The following SPRING1 variants were observed in gnomAD, a reference collection of about 807,000 sequenced individuals.
The protein encoded by SPRING1 is SREBP regulating gene protein.
SPRING1 carries 14 observed loss-of-function variants against 24.7 expected under a neutral mutation model. The observed-to-expected ratio is 0.57, with a 90% CI of 0.37 to 0.88. The LOEUF (loss-of-function observed/expected upper bound fraction) is 0.88. Ranked by LOEUF, SPRING1 falls within the 40% of genes least tolerant of loss-of-function variation. The pLI is 0.00. For missense variants in SPRING1, 255 were observed against 268.4 expected (o/e 0.95, Z 0.35); for synonymous variants, 93 against 106.1 (o/e 0.88, Z 0.76).
At chr12:116,732,388 C>T (rs756110241) in intron 1 of SPRING1, among the ~76,000 whole-genome samples, 1 of 152,074 alleles carries the variant, frequency 6.6e-6, no homozygotes, top group Non-Finnish European at 1.5e-5. Context: ...CCAGCCTGAG[C>T]AACCTAGTAA....
chr12:116,725,051 T>C (rs1338439743), intron 1 of SPRING1, among the ~76,000 whole-genome samples: 1 of 152,228 alleles, frequency 6.6e-6, no homozygotes, highest in Non-Finnish European at 1.5e-5. Context: ...TATGATAATA[T>C]GCACATATAA....
At chr12:116,735,287 T>C (rs1398154185) in intron 1 of SPRING1, among the ~76,000 whole-genome samples, 1 of 152,128 alleles carries the variant, frequency 6.6e-6, no homozygotes, top group Non-Finnish European at 1.5e-5. Context: ...AGGAGGGTGG[T>C]TGCCGGGGGC....
At position 116,725,660 on chromosome 12, in the gene SPRING1, C is replaced by T. The variant is rs529311939; in HGVS notation, c.112-2437G>A. Among the ~76,000 whole-genome samples, 190 of 152,180 alleles carry T rather than the reference C, an allele frequency of 1.2e-3. 1 individual carries two copies. Among genetic ancestry groups the T allele is most frequent in the African/African-American group, 4.4e-3 (182 of 41,528 alleles). On this transcript the variant is annotated intron_variant, in intron 1 of 4. Coordinates refer to ENST00000261318, the MANE Select transcript of SPRING1 (RefSeq NM_024738.4). ...CAACACTTTGGGAGGCCAAGGCGGG[C>T]GGATCACGAGTTCAGAAGATCGAGA...
At position 116,716,700 on chromosome 12, in the gene SPRING1, G is replaced by T. The variant is rs1870152332; in HGVS notation, c.*1110C>A. ...TTCTCATCTCCCACTGAGGGCAGGT[G>T]TAAGACTCTTCTCTTGCAGTGCTCT... On this transcript the variant is annotated 3_prime_UTR_variant, in exon 5 of 5. Transcript: ENST00000261318. The T allele has an allele frequency of 1.3e-5, 2 of 152,228 alleles. No individual in the cohort carries two copies. Among genetic ancestry groups the T allele is most frequent in the African/African-American group, 2.4e-5 (1 of 41,416 alleles). The allele number at this position is 152,228 out of a possible 1,614,324, so 9.4% of individuals were successfully genotyped here. A position where few individuals can be genotyped will look rare whatever the true frequency, so the allele number is the denominator to read the frequency against.
intron 1 of SPRING1, among the ~76,000 whole-genome samples, chr12:116,732,795 T>C (rs911407033): frequency 6.6e-6 from 1 of 152,226 alleles, no homozygotes; most frequent in African/African-American, 2.4e-5. Flanking sequence ...TCTATCATGA[T>C]GGTTACAAAT....
At chr12:116,737,125 C>T (rs989425062) in intron 1 of SPRING1, among the ~76,000 whole-genome samples, 1 of 152,218 alleles carries the variant, frequency 6.6e-6, no homozygotes, top group African/African-American at 2.4e-5. Flanking sequence ...CTGAAGGGTC[C>T]TCAACTCGGG....
In SPRING1 at chr12:116,716,645, C is replaced by G. The variant is rs1482394384; in HGVS notation, c.*1165G>C. On this transcript the variant is annotated 3_prime_UTR_variant, in exon 5 of 5. Coordinates refer to ENST00000261318, the MANE Select transcript of SPRING1 (RefSeq NM_024738.4). ...ATTCAGGACACACCAGCAACCTACACGTGTAGCATTCTCTAAGTCATAATG... is the reference window on the plus strand; with the variant it reads ...ATTCAGGACACACCAGCAACCTACAGGTGTAGCATTCTCTAAGTCATAATG... The G allele has an allele frequency of 6.6e-6, 1 of 152,576 alleles. No homozygotes were observed. The highest frequency in any genetic ancestry group is 2.1e-4 in the South Asian group (1 of 4,824). The allele number at this position is 152,576 out of a possible 1,614,324, so 9.5% of individuals were successfully genotyped here.
Position 116,735,199 on chromosome 12 carries a change from G to C in SPRING1, c.111+2591C>G, listed in dbSNP as rs552547384. 3.3e-5 allele frequency among the ~76,000 whole-genome samples: 5 copies of C among 152,266 alleles called. No homozygotes were observed. The East Asian group carries it at 5.8e-4, about 18-fold the overall frequency. Reference sequence around the variant, plus strand: ...CCACTGAGCGAGACTGGGAAGACTCGGGGAGGAACAAGTGCTGGCAGAGAA... The same window carrying C: ...CCACTGAGCGAGACTGGGAAGACTCCGGGAGGAACAAGTGCTGGCAGAGAA... On this transcript the variant is annotated intron_variant, in intron 1 of 4. Transcript: ENST00000261318.
At chr12:116,729,863 T>A (rs1870886328) in intron 1 of SPRING1, among the ~76,000 whole-genome samples, 1 of 152,204 alleles carries the variant, frequency 6.6e-6, no homozygotes, top group Non-Finnish European at 1.5e-5. Flanking sequence ...GGTTTGTGAA[T>A]ATACTACTTT....
Position 116,713,532 on chromosome 12 carries a change from T to C in SPRING1, c.*4278A>G, listed in dbSNP as rs779539719. On this transcript the variant is annotated 3_prime_UTR_variant, in exon 5 of 5. Transcript: ENST00000261318. ...TAATATCACAGGGTTACCAGGGGTA[T>C]GACAAAAATGGACACTTCCATACAC... is the stretch of plus-strand genomic sequence containing the variant. The C allele has an allele frequency of 6.6e-6, 1 of 152,214 alleles. No individual in the cohort carries two copies. The highest frequency in any genetic ancestry group is 1.5e-5 in the Non-Finnish European group (1 of 68,040). 9.4% of individuals were successfully genotyped at this position (152,214 alleles called of 1,614,324 possible). A position where few individuals can be genotyped will look rare whatever the true frequency, so the allele number is the denominator to read the frequency against.
At chr12:116,737,744 A>G in intron 1 of SPRING1, 46 bp downstream of exon 1, 3 of 1,411,280 alleles carry the variant, frequency 2.1e-6, no homozygotes, top group Non-Finnish European at 2.8e-6. Context: ...AAGGGGGAGG[A>G]AGGAAGGAAG....
At chr12:116,732,351 G>A (rs557816348) in intron 1 of SPRING1, among the ~76,000 whole-genome samples, 1 of 151,784 alleles carries the variant, frequency 6.6e-6, no homozygotes. Context: ...CGAGGCGGGT[G>A]GATTGTTTAA....
chr12:116,714,163 G>A lies in SPRING1; in HGVS notation c.*3647C>T, dbSNP rs988206132. On this transcript the variant is annotated 3_prime_UTR_variant, in exon 5 of 5. Transcript: ENST00000261318. ...ACCCCATTTCACAGATGAAGGGCCT[G>A]AGCCACAGAGGAGGAAGACTGCCTC... 6.6e-6 allele frequency: 1 copy of A among 152,202 alleles called. No individual in the cohort carries two copies. Among genetic ancestry groups the A allele is most frequent in the Non-Finnish European group, 1.5e-5 (1 of 68,050 alleles). The allele number at this position is 152,202 out of a possible 1,614,324, so 9.4% of individuals were successfully genotyped here.
chr12:116,722,861 T>C (rs1163966242), intron 2 of SPRING1, among the ~76,000 whole-genome samples: 1 of 152,134 alleles, frequency 6.6e-6, no homozygotes, highest in East Asian at 1.9e-4. Flanking sequence ...TTTTAAGAGT[T>C]AGAGTTATCA....
chr12:116,736,343 G>A (rs1421350163), intron 1 of SPRING1, among the ~76,000 whole-genome samples: 3 of 152,168 alleles, frequency 2.0e-5, no homozygotes, highest in Non-Finnish European at 2.9e-5. Context: ...GGGACAACAC[G>A]CGACTGTGAG....
At chr12:116,737,307 G>A (rs1408633170) in intron 1 of SPRING1, among the ~76,000 whole-genome samples, 2 of 152,096 alleles carry the variant, frequency 1.3e-5, no homozygotes, top group African/African-American at 4.8e-5. Flanking sequence ...CAAACGCGAG[G>A]AGTAAGGAAA....
In SPRING1 at chr12:116,715,498, A is replaced by C. The variant is rs1870083734; in HGVS notation, c.*2312T>G. 1 of 152,190 alleles carries C rather than the reference A, an allele frequency of 6.6e-6. No individual in the cohort carries two copies. Among genetic ancestry groups the C allele is most frequent in the Non-Finnish European group, 1.5e-5 (1 of 68,042 alleles). 9.4% of individuals were successfully genotyped at this position (152,190 alleles called of 1,614,324 possible). A position where few individuals can be genotyped will look rare whatever the true frequency, so the allele number is the denominator to read the frequency against. ...GCTCAAGCGCTGTGAATTTCCAAAA[A>C]CAGTGAACACACCCCTAGCTGATTG... On this transcript the variant is annotated 3_prime_UTR_variant, in exon 5 of 5. Coordinates refer to ENST00000261318, the MANE Select transcript of SPRING1 (RefSeq NM_024738.4).
In SPRING1 at chr12:116,720,220, G is replaced by A. The variant is rs1187727764; in HGVS notation, c.420+76C>T. ...TTTTATTTTCAGAGGAATCTCACAT[G>A]AAGAGCCTAATGCTCATCATAAAAC... On this transcript the variant is annotated intron_variant, in intron 3 of 4. Coordinates refer to ENST00000261318, the MANE Select transcript of SPRING1 (RefSeq NM_024738.4). This position sits in a 1 kb window ranked among gnomAD's most constrained non-coding sequence, Gnocchi z 4.0. 6.8e-7 allele frequency: 1 copy of A among 1,476,904 alleles called. No homozygotes were observed. Among genetic ancestry groups the A allele is most frequent in the East Asian group, 2.3e-5 (1 of 42,960 alleles). 91.5% of individuals were successfully genotyped at this position (1,476,904 alleles called of 1,614,324 possible). A position where few individuals can be genotyped will look rare whatever the true frequency, so the allele number is the denominator to read the frequency against.
intron 1 of SPRING1, among the ~76,000 whole-genome samples, chr12:116,737,047 C>T (rs1439480203): frequency 6.6e-6 from 1 of 152,332 alleles, no homozygotes; most frequent in African/African-American, 2.4e-5. Flanking sequence ...AGCAAATGCA[C>T]GCCCTCTCTT....
Sources: allele counts gnomAD v4.1 joint callset (sites outside exome capture counted in the v4.1 genomes callset), GRCh38; gene constraint gnomAD v4.1.1; non-coding constraint Gnocchi (gnomAD v3.1); transcripts MANE v1.5; gene names NCBI Gene and HGNC (gene_info 2026-07-23, HGNC 2026-07-21).